EFCAB6: variants seen among roughly 807,000 people sequenced by gnomAD.
The protein encoded by EFCAB6 is EF-hand calcium-binding domain-containing protein 6.
A neutral mutation model predicts 169.8 loss-of-function variants in EFCAB6; 156 were observed. The observed-to-expected ratio is 0.92, with a 90% confidence interval of 0.81 to 1.05. The LOEUF is 1.05. Among genes scored for constraint, EFCAB6 ranks in the 50% least tolerant of loss-of-function variants. The pLI, the probability that EFCAB6 is intolerant of heterozygous loss-of-function variation, is 0.00. For missense variants in EFCAB6, 1,800 were observed against 1,829.1 expected (o/e 0.98, Z 0.29); for synonymous variants, 698 against 676.4 (o/e 1.03, Z -0.50).
intron 11 of EFCAB6, among the ~76,000 whole-genome samples, chr22:43,687,149 C>T (rs566181677): frequency 1.4e-4 from 22 of 152,308 alleles, no homozygotes; most frequent in African/African-American, 2.2e-4. Flanking sequence ...CAGTGCTTGC[C>T]GTGGCGGCCT....
intron 23 of EFCAB6, among the ~76,000 whole-genome samples, chr22:43,594,275 C>CACA (rs2051813232): frequency 1.2e-5 from 1 of 81,494 alleles, no homozygotes; most frequent in Non-Finnish European, 2.4e-5. Flanking sequence ...AACTCTGTTT[C>CACA]AAAAAAAAAA....
intron 17 of EFCAB6, among the ~76,000 whole-genome samples, chr22:43,663,922 C>T (rs2148176291): frequency 6.6e-6 from 1 of 152,342 alleles, no homozygotes; most frequent in South Asian, 2.1e-4. Context: ...CTGCAAGCCA[C>T]CGAGTCCAGG....
intron 12 of EFCAB6, among the ~76,000 whole-genome samples, chr22:43,683,282 T>C (rs2058072887): frequency 6.6e-6 from 1 of 152,226 alleles, no homozygotes. Flanking sequence ...TGCAAATTCA[T>C]GAATTAGCCT....
intron 2 of EFCAB6, among the ~76,000 whole-genome samples, chr22:43,797,043 A>G (rs2062535736): frequency 6.6e-6 from 1 of 152,180 alleles, no homozygotes; most frequent in South Asian, 2.1e-4. Context: ...ATGCCTAAAA[A>G]TTTTGGCCCA....
intron 25 of EFCAB6, among the ~76,000 whole-genome samples, chr22:43,578,697 T>G (rs2050424257): frequency 6.6e-6 from 1 of 151,926 alleles, no homozygotes; most frequent in South Asian, 2.1e-4. Context: ...CAGGCATTAT[T>G]CTGTACATGC....
At chr22:43,790,799 A>G (rs1468844828) in intron 2 of EFCAB6, among the ~76,000 whole-genome samples, 1 of 152,252 alleles carries the variant, frequency 6.6e-6, no homozygotes, top group Non-Finnish European at 1.5e-5. Context: ...AATCCGTGCA[A>G]GAGAAGACAG....
At chr22:43,811,429 G>A (rs992278004) in intron 1 of EFCAB6, among the ~76,000 whole-genome samples, 19 of 152,148 alleles carry the variant, frequency 1.2e-4, no homozygotes, top group African/African-American at 4.6e-4. Context: ...GAAAAGAAGA[G>A]TCCTCTTAAC....
intron 17 of EFCAB6, among the ~76,000 whole-genome samples, chr22:43,664,361 G>C (rs2057145130): frequency 6.6e-6 from 1 of 152,216 alleles, no homozygotes; most frequent in African/African-American, 2.4e-5. Flanking sequence ...AGCACTTGGG[G>C]AGCAGCACTA....
chr22:43,542,113 C>A (rs866828893), intron 27 of EFCAB6, among the ~76,000 whole-genome samples: 1 of 152,194 alleles, frequency 6.6e-6, no homozygotes, highest in Non-Finnish European at 1.5e-5. Flanking sequence ...GAGCTGGACT[C>A]GGAGCTGAGG....
chr22:43,709,976 C>T (rs2059102117), intron 10 of EFCAB6, among the ~76,000 whole-genome samples: 2 of 152,310 alleles, frequency 1.3e-5, no homozygotes, highest in African/African-American at 4.8e-5. Context: ...TAGCTTCATG[C>T]CACATTTTCC....
At chr22:43,696,229 A>T (rs67913073) in intron 10 of EFCAB6, among the ~76,000 whole-genome samples, 27,673 of 151,984 alleles carry the variant, frequency 0.18, 2,593 homozygotes, top group Non-Finnish European at 0.2. Flanking sequence ...ATCATCAGGA[A>T]AATGCAAATT....
chr22:43,731,943 A>G (rs532365746), intron 7 of EFCAB6, 132 bp from the exon 8 acceptor site: 1 of 509,614 alleles, frequency 2.0e-6, no homozygotes, highest in African/African-American at 2.0e-5. Flanking sequence ...GGGAATTAAA[A>G]AGTAAACCCC....
intron 23 of EFCAB6, among the ~76,000 whole-genome samples, chr22:43,596,341 A>G (rs2052005603): frequency 6.6e-6 from 1 of 152,156 alleles, no homozygotes; most frequent in South Asian, 2.1e-4. Flanking sequence ...TTATATTTAA[A>G]AAAAACCTAA....
At chr22:43,631,249 C>T (rs563405098) in intron 19 of EFCAB6, among the ~76,000 whole-genome samples, 28 of 151,908 alleles carry the variant, frequency 1.8e-4, no homozygotes, top group African/African-American at 5.1e-4. Context: ...GGCCCTGTCT[C>T]GGGGTTCGCC....
At chr22:43,655,617 C>T (rs773293190) in intron 17 of EFCAB6, among the ~76,000 whole-genome samples, 38 of 149,610 alleles carry the variant, frequency 2.5e-4, no homozygotes, top group Non-Finnish European at 4.6e-4. Context: ...AAAACAAAAA[C>T]ATTACAATGA....
chr22:43,638,250 C>A (rs911667202), intron 17 of EFCAB6, among the ~76,000 whole-genome samples: 5 of 152,110 alleles, frequency 3.3e-5, no homozygotes, highest in African/African-American at 1.2e-4. Flanking sequence ...CCCTTGGAGG[C>A]GACATACAAT....
intron 2 of EFCAB6, among the ~76,000 whole-genome samples, chr22:43,784,475 G>T (rs1380654695): frequency 2.3e-5 from 3 of 130,638 alleles, no homozygotes; most frequent in African/African-American, 8.4e-5. Flanking sequence ...ACAGAGCAAG[G>T]CCCTGTCTCT....
At chr22:43,552,505 C>G (rs994388037) in intron 27 of EFCAB6, 1 of 152,190 alleles carries the variant, frequency 6.6e-6, no homozygotes, top group African/African-American at 2.4e-5. Flanking sequence ...GCCATTCTGA[C>G]TGGCGTGAGA....
intron 6 of EFCAB6, among the ~76,000 whole-genome samples, chr22:43,738,275 TAC>T (rs937988655): frequency 1.7e-4 from 24 of 141,114 alleles, no homozygotes; most frequent in Non-Finnish European, 1.1e-4. Flanking sequence ...CATGCACATA[TAC>T]ACACACACCT....
Sources: gnomAD v4.1 joint callset for allele counts (sites outside exome capture counted in the v4.1 genomes callset) on GRCh38, gnomAD v4.1.1 for gene constraint, MANE v1.5 for transcripts, NCBI Gene and HGNC (gene_info 2026-07-23, HGNC 2026-07-21) for gene names.